Variants in HMGCLL1 observed in about 807,000 individuals in gnomAD.
HMGCLL1 encodes the protein 3-hydroxymethyl-3-methylglutaryl-CoA lyase, cytoplasmic.
A neutral mutation model predicts 39.1 loss-of-function variants in HMGCLL1; 36 were observed. That is an observed-to-expected ratio of 0.92 (90% CI 0.71 to 1.22). The LOEUF (loss-of-function observed/expected upper bound fraction) is 1.22. HMGCLL1 is among the 50% of genes most tolerant of loss of function. The pLI, the probability that HMGCLL1 is intolerant of heterozygous loss-of-function variation, is 0.00. For missense variants in HMGCLL1, 451 were observed against 416.5 expected (o/e 1.08, Z -0.72); for synonymous variants, 149 against 144.0 (o/e 1.03, Z -0.25).
At chr6:55,594,942 C>T in the HMGCLL1 span, among the ~76,000 whole-genome samples, 1 of 152,202 alleles carries the variant, frequency 6.6e-6, no homozygotes, top group Non-Finnish European at 1.5e-5. Context: ...TATTGTGTTT[C>T]TTTAAAAAAA....
chr6:55,556,659 G>A (rs984691538), intron 1 of HMGCLL1, among the ~76,000 whole-genome samples: 24 of 152,098 alleles, frequency 1.6e-4, no homozygotes, highest in Admixed American at 5.9e-4. Flanking sequence ...ATGCTCACTC[G>A]GGATTTTATA....
intron 7 of HMGCLL1, among the ~76,000 whole-genome samples, chr6:55,465,420 TATAG>T (rs1199298257): frequency 2.0e-5 from 3 of 152,078 alleles, no homozygotes; most frequent in African/African-American, 7.2e-5. Flanking sequence ...CATTTGCAGA[TATAG>T]ATAATTTTTG....
At chr6:55,657,778 A>G in the HMGCLL1 span, among the ~76,000 whole-genome samples, 1 of 151,960 alleles carries the variant, frequency 6.6e-6, no homozygotes, top group Non-Finnish European at 1.5e-5. Flanking sequence ...GGAGCTGGAT[A>G]CCATTATCCT....
At chr6:55,460,128 A>G (rs1302867735) in intron 7 of HMGCLL1, among the ~76,000 whole-genome samples, 3 of 152,116 alleles carry the variant, frequency 2.0e-5, no homozygotes, top group African/African-American at 4.8e-5. Flanking sequence ...GTTTTGAACC[A>G]TCTAATGAAT....
chr6:55,439,462 T>C lies in HMGCLL1; in HGVS notation c.893A>G (p.Tyr298Cys). 1 of 1,612,780 alleles carries C rather than the reference T, an allele frequency of 6.2e-7. No homozygotes were observed. Among genetic ancestry groups the C allele is most frequent in the Non-Finnish European group, 8.5e-7 (1 of 1,179,110 alleles). ...SGNVATEDLI[Y>C]MLNGLGLNTG... is the part of the protein sequence containing the mutation. Reference sequence around the variant, plus strand: ...ATTGAGCCCCAGGCCATTAAGCATATATATCAAATCCTCAGTGGCTACATT... The same window carrying C: ...ATTGAGCCCCAGGCCATTAAGCATACATATCAAATCCTCAGTGGCTACATT... The change falls in exon 8 of 9, where the codon TAT becomes TGT. Residue 298 changes from tyrosine (Y) to cysteine (C), a missense_variant. By Grantham distance (194) the Tyr-to-Cys change is radical (BLOSUM62 -2). Coordinates refer to ENST00000274901, the MANE Select transcript of HMGCLL1 (RefSeq NM_001042406.2).
the HMGCLL1 span, among the ~76,000 whole-genome samples, chr6:55,615,822 G>T: frequency 6.6e-6 from 1 of 152,106 alleles, no homozygotes; most frequent in Non-Finnish European, 1.5e-5. Context: ...TATTCTTTGG[G>T]AAAGTTAAGC....
At chr6:55,583,935 C>A (rs1452089417), upstream of HMGCLL1, among the ~76,000 whole-genome samples, 3 of 152,144 alleles carry the variant, frequency 2.0e-5, no homozygotes. Context: ...TTCTCAACCA[C>A]AGAACCAGGT....
chr6:55,455,008 A>G (rs1764261742), intron 7 of HMGCLL1, among the ~76,000 whole-genome samples: 1 of 126,882 alleles, frequency 7.9e-6, no homozygotes, highest in African/African-American at 3.4e-5. Context: ...TACTGGGGAG[A>G]CTGAGAGAAG....
chr6:55,439,443 C>T lies in HMGCLL1; in HGVS notation c.912G>A (p.Gly304=), dbSNP rs1225209286. ...CGTTAAAGTAACTTACTGTATTGAGCCCCAGGCCATTAAGCATATATATCA... is the reference window on the plus strand; with the variant it reads ...CGTTAAAGTAACTTACTGTATTGAGTCCCAGGCCATTAAGCATATATATCA... ...EDLIYMLNGL[G]LNTGVNLYKV... The change falls in exon 8 of 9, where the codon GGG becomes GGA. Residue 304 remains glycine, a synonymous_variant. Coordinates refer to ENST00000274901, the MANE Select transcript of HMGCLL1 (RefSeq NM_001042406.2). 6.2e-7 allele frequency: 1 copy of T among 1,611,814 alleles called. No individual in the cohort carries two copies. Among genetic ancestry groups the T allele is most frequent in the Non-Finnish European group, 8.5e-7 (1 of 1,178,556 alleles).
intron 7 of HMGCLL1, among the ~76,000 whole-genome samples, chr6:55,452,677 CTTCT>C (rs1764151752): frequency 1.3e-5 from 2 of 152,176 alleles, no homozygotes; most frequent in Non-Finnish European, 2.9e-5. Flanking sequence ...TAAAAAAAGA[CTTCT>C]TTCTAAATCT....
intron 7 of HMGCLL1, among the ~76,000 whole-genome samples, chr6:55,493,487 G>A (rs1489331173): frequency 6.6e-6 from 1 of 152,210 alleles, no homozygotes; most frequent in East Asian, 1.9e-4. Context: ...ATTTCAGTCC[G>A]AATCTCTCAG....
chr6:55,653,489 T>G, the HMGCLL1 span, among the ~76,000 whole-genome samples: 3 of 148,958 alleles, frequency 2.0e-5, no homozygotes, highest in Non-Finnish European at 4.5e-5. Context: ...CAAATAATAA[T>G]GAAAACTTCA....
the HMGCLL1 span, among the ~76,000 whole-genome samples, chr6:55,596,018 C>T: frequency 2.9e-3 from 448 of 152,112 alleles, 10 homozygotes; most frequent in East Asian, 0.064. Context: ...ATTGTGATGG[C>T]GTTTTATTAA....
intron 1 of HMGCLL1, among the ~76,000 whole-genome samples, chr6:55,559,367 G>A (rs1340415828): frequency 2.6e-5 from 4 of 152,110 alleles, no homozygotes; most frequent in Non-Finnish European, 5.9e-5. Flanking sequence ...AAGTCTATCT[G>A]GCAGAGACTA....
At chr6:55,513,259 G>GA (rs1459231143) in intron 5 of HMGCLL1, 3 of 152,106 alleles carry the variant, frequency 2.0e-5, no homozygotes, top group African/African-American at 7.2e-5. Context: ...TCCTGAGAGA[G>GA]AAAATTAGGT....
chr6:55,653,026 C>A, the HMGCLL1 span, among the ~76,000 whole-genome samples: 1 of 151,990 alleles, frequency 6.6e-6, no homozygotes, highest in Non-Finnish European at 1.5e-5. Flanking sequence ...AGTCATCATT[C>A]TTTCCCAAAA....
chr6:55,648,512 A>G, the HMGCLL1 span, among the ~76,000 whole-genome samples: 2 of 87,392 alleles, frequency 2.3e-5, no homozygotes, highest in Admixed American at 1.3e-4. Flanking sequence ...AAATAGACAC[A>G]ATAAAAAATG....
At chr6:55,488,562 A>G (rs2127418651) in intron 7 of HMGCLL1, among the ~76,000 whole-genome samples, 1 of 152,176 alleles carries the variant, frequency 6.6e-6, no homozygotes, top group East Asian at 1.9e-4. Flanking sequence ...AAATAATTCT[A>G]AATGGTCATA....
At chr6:55,572,900 T>C (rs778715113) in intron 1 of HMGCLL1, among the ~76,000 whole-genome samples, 1 of 152,190 alleles carries the variant, frequency 6.6e-6, no homozygotes, top group Non-Finnish European at 1.5e-5. Flanking sequence ...CAATATACTA[T>C]GCAGGAGAAA....
Sources: allele counts gnomAD v4.1 joint callset (sites outside exome capture counted in the v4.1 genomes callset), GRCh38; gene constraint gnomAD v4.1.1; transcripts MANE v1.5; gene names NCBI Gene and HGNC (gene_info 2026-07-23, HGNC 2026-07-21).